WWP2: variants seen among roughly 807,000 people sequenced by gnomAD.
WWP2 encodes NEDD4-like E3 ubiquitin-protein ligase WWP2.
In WWP2, 57 loss-of-function variants were observed where a neutral mutation model predicts 121.0. The ratio of observed to expected loss-of-function variants is 0.47; its 90% CI spans 0.38 to 0.59. WWP2 has a LOEUF of 0.59. Ranked by LOEUF, WWP2 falls within the 20% of genes least tolerant of loss-of-function variation. The pLI is 0.00. For missense variants in WWP2, 962 were observed against 1,158.9 expected (o/e 0.83, Z 2.47); for synonymous variants, 449 against 441.3 (o/e 1.02, Z -0.22).
At chr16:69,851,352 G>A (rs1192637212) in intron 6 of WWP2, among the ~76,000 whole-genome samples, 5 of 151,748 alleles carry the variant, frequency 3.3e-5, no homozygotes, top group Non-Finnish European at 5.9e-5. Context: ...TCTCCCTCCC[G>A]TCCCCAGCCC....
chr16:69,763,673 T>A (rs971107651), intron 1 of WWP2, among the ~76,000 whole-genome samples: 1 of 152,252 alleles, frequency 6.6e-6, no homozygotes, highest in African/African-American at 2.4e-5. Context: ...CTTGATTTTT[T>A]AAAACAATTT....
rs780145999 is a variant in WWP2, at chr16:69,925,517, C to T, written c.1234+33C>T. ...CTGAGTTCTCTTCCTGGCCCTTGGC[C>T]TTCCGTCAGCCACGGTGCTCTGTCC... is the stretch of plus-strand genomic sequence containing the variant. On this transcript the variant is annotated intron_variant, in intron 11 of 23. Coordinates refer to ENST00000359154, the MANE Select transcript of WWP2 (RefSeq NM_001270454.2). This position sits in a 1 kb window ranked among gnomAD's most constrained non-coding sequence, Gnocchi z 4.0. The T allele has an allele frequency of 6.2e-7, 1 of 1,611,288 alleles. No homozygotes were observed. The highest frequency in any genetic ancestry group is 8.5e-7 in the Non-Finnish European group (1 of 1,178,908).
intron 7 of WWP2, among the ~76,000 whole-genome samples, chr16:69,879,364 A>T (rs905597433): frequency 6.6e-6 from 1 of 152,144 alleles, no homozygotes; most frequent in Non-Finnish European, 1.5e-5. Context: ...GTATCCATTA[A>T]ACAATAACAT....
chr16:69,908,919 A>C (rs1261478410), intron 9 of WWP2, 69 bp downstream of exon 9: 16 of 1,610,056 alleles, frequency 9.9e-6, no homozygotes, highest in Non-Finnish European at 1.1e-5. Flanking sequence ...GGCTTCTTGA[A>C]ACGGTCCCTT....
intron 7 of WWP2, among the ~76,000 whole-genome samples, chr16:69,873,529 C>A (rs1443852988): frequency 6.6e-6 from 1 of 152,212 alleles, no homozygotes; most frequent in Non-Finnish European, 1.5e-5. Flanking sequence ...CCTGTGCCAC[C>A]CACTGTATCC....
intron 9 of WWP2, among the ~76,000 whole-genome samples, chr16:69,911,544 C>T (rs926113648): frequency 9.2e-5 from 14 of 152,080 alleles, no homozygotes; most frequent in South Asian, 2.1e-4. Flanking sequence ...CAAGTGTGCC[C>T]GGTGGGGCTC....
chr16:69,929,674 C>T (rs942418703), intron 12 of WWP2, 145 bp downstream of exon 12: 31 of 696,300 alleles, frequency 4.5e-5, no homozygotes, highest in Admixed American at 8.4e-5. Flanking sequence ...AGACTCTCAC[C>T]GTACAGATAC....
At position 69,921,685 on chromosome 16, in the gene WWP2, T is replaced by C. The variant is rs1038038013; in HGVS notation, c.1180-3745T>C. Among the ~76,000 whole-genome samples the C allele has an allele frequency of 2.6e-5, 4 of 152,230 alleles. No homozygotes were observed. The East Asian group carries it at 5.8e-4, about 22-fold the overall frequency. On this transcript the variant is annotated intron_variant, in intron 10 of 23. Transcript: ENST00000359154. ...GTGTCGTGTTCCTGCTGGGACCCAC[T>C]GAAGATGCCTGGCACAGCCTTGCAC...
intron 7 of WWP2, among the ~76,000 whole-genome samples, chr16:69,877,542 C>T (rs942442393): frequency 6.6e-6 from 1 of 152,136 alleles, no homozygotes; most frequent in African/African-American, 2.4e-5. Flanking sequence ...TTTTAATTTC[C>T]TTCAAGAACT....
At chr16:69,854,765 G>A (rs1041686134) in intron 6 of WWP2, among the ~76,000 whole-genome samples, 1 of 152,152 alleles carries the variant, frequency 6.6e-6, no homozygotes, top group African/African-American at 2.4e-5. Context: ...TGGTCATGCT[G>A]GTCTCGAACT....
At chr16:69,784,286 G>A (rs1243629814) in intron 1 of WWP2, among the ~76,000 whole-genome samples, 2 of 151,826 alleles carry the variant, frequency 1.3e-5, no homozygotes, top group East Asian at 1.9e-4. Context: ...TTTTAGTAGA[G>A]ACGAGGTTTC....
intron 8 of WWP2, among the ~76,000 whole-genome samples, chr16:69,895,387 A>C (rs1235675847): frequency 1.3e-5 from 2 of 152,214 alleles, no homozygotes; most frequent in Admixed American, 1.3e-4. Flanking sequence ...TAGTCTGTCT[A>C]TTGTGAATCC....
intron 6 of WWP2, among the ~76,000 whole-genome samples, chr16:69,857,787 A>G (rs2057345592): frequency 6.7e-6 from 1 of 149,108 alleles, no homozygotes; most frequent in East Asian, 2.0e-4. Flanking sequence ...TCAGTCTCCC[A>G]GGTAGCTGAG....
At chr16:69,930,024 T>G in intron 12 of WWP2, 106 bp from the exon 13 acceptor site, 1 of 1,536,768 alleles carries the variant, frequency 6.5e-7, no homozygotes, top group Non-Finnish European at 8.8e-7. Flanking sequence ...TCAAAGTCCC[T>G]CATGGGCTCT....
intron 6 of WWP2, among the ~76,000 whole-genome samples, chr16:69,871,038 C>A (rs1414029023): frequency 6.6e-6 from 1 of 152,162 alleles, no homozygotes; most frequent in East Asian, 1.9e-4. Flanking sequence ...GTAATCCCAG[C>A]ACTTTGGGAG....
At chr16:69,899,122 A>G (rs2151950149) in intron 8 of WWP2, among the ~76,000 whole-genome samples, 1 of 152,336 alleles carries the variant, frequency 6.6e-6, no homozygotes, top group Non-Finnish European at 1.5e-5. Flanking sequence ...CTTTTATTGT[A>G]CAAGAGTTAA....
intron 4 of WWP2, among the ~76,000 whole-genome samples, chr16:69,818,699 T>C (rs1343908803): frequency 6.6e-6 from 1 of 152,120 alleles, no homozygotes; most frequent in Non-Finnish European, 1.5e-5. Context: ...GGTTTCAGGG[T>C]GCCACAATCT....
chr16:69,810,620 A>G (rs1003586355), intron 4 of WWP2, among the ~76,000 whole-genome samples: 1 of 150,222 alleles, frequency 6.7e-6, no homozygotes, highest in African/African-American at 2.5e-5. Context: ...TTTAGTAGAG[A>G]TGGGGTTTCA....
At chr16:69,864,193 C>T (rs1322807939) in intron 6 of WWP2, among the ~76,000 whole-genome samples, 1 of 152,006 alleles carries the variant, frequency 6.6e-6, no homozygotes, top group African/African-American at 2.4e-5. Context: ...CATGGTAAAA[C>T]CCCTTCTCTA....
Sources: allele counts gnomAD v4.1 joint callset (sites outside exome capture counted in the v4.1 genomes callset), GRCh38; gene constraint gnomAD v4.1.1; non-coding constraint Gnocchi (gnomAD v3.1); transcripts MANE v1.5; gene names NCBI Gene and HGNC (gene_info 2026-07-23, HGNC 2026-07-21).